Variants in MAN2A1 observed in about 807,000 individuals in gnomAD.
The protein encoded by MAN2A1 is mannosidase alpha class 2A member 1.
A neutral mutation model predicts 142.6 loss-of-function variants in MAN2A1; 76 were observed. That is an observed-to-expected ratio of 0.53 (90% CI 0.44 to 0.65). The LOEUF (loss-of-function observed/expected upper bound fraction) is 0.65. Ranked by LOEUF, MAN2A1 falls within the 30% of genes least tolerant of loss-of-function variation. The pLI is 0.00. For synonymous variants in MAN2A1, 559 were observed against 473.2 expected (o/e 1.18, Z -2.35); for missense variants, 1,311 against 1,365.1 (o/e 0.96, Z 0.62).
intron 3 of MAN2A1, among the ~76,000 whole-genome samples, chr5:109,720,049 A>G (rs1052794512): frequency 3.3e-5 from 5 of 152,196 alleles, no homozygotes; most frequent in African/African-American, 1.2e-4. Flanking sequence ...TAAGCTGATT[A>G]AAACACAATT....
intron 1 of MAN2A1, among the ~76,000 whole-genome samples, chr5:109,707,791 G>T (rs1751178440): frequency 6.6e-6 from 1 of 152,174 alleles, no homozygotes. Context: ...AGTCCTTACT[G>T]ACTGTGGTGT....
chr5:109,823,912 T>G (rs1213960819), intron 16 of MAN2A1, 75 bp downstream of exon 16: 1 of 668,190 alleles, frequency 1.5e-6, no homozygotes, highest in Non-Finnish European at 2.4e-6. Flanking sequence ...ATGCCATTCT[T>G]AAATTAACAG....
chr5:109,789,608 C>A, intron 12 of MAN2A1, 81 bp downstream of exon 12: 3 of 911,810 alleles, frequency 3.3e-6, no homozygotes, highest in Non-Finnish European at 4.9e-6. Context: ...TTTTAGTTAG[C>A]GTATATTTTG....
Position 109,866,885 on chromosome 5 carries a change from A to C in MAN2A1, c.3322A>C (p.Ser1108Arg). ...QKLLNKFIVE[S>R]LTPSSLSLMH... ...ACTTTTAAACAAGTTTATTGTCGAAAGTCTCACACCTTCATCACTATCCTT... is the reference window on the plus strand; with the variant it reads ...ACTTTTAAACAAGTTTATTGTCGAACGTCTCACACCTTCATCACTATCCTT... Residue 1108 changes from serine (S) to arginine (R), a missense_variant, in exon 22 of 22, where the codon AGT becomes CGT. Physicochemically the swap from Ser to Arg is moderately radical, Grantham distance 110. Coordinates refer to ENST00000261483, the MANE Select transcript of MAN2A1 (RefSeq NM_002372.4). 1.2e-6 allele frequency: 2 copies of C among 1,610,388 alleles called. No homozygotes were observed. Among genetic ancestry groups the C allele is most frequent in the Non-Finnish European group, 1.7e-6 (2 of 1,178,020 alleles).
chr5:109,760,751 G>A (rs1019706816), intron 5 of MAN2A1, among the ~76,000 whole-genome samples: 1 of 151,866 alleles, frequency 6.6e-6, no homozygotes, highest in Non-Finnish European at 1.5e-5. Context: ...TTTTTTTCAC[G>A]TTTGTTGGCT....
intron 16 of MAN2A1, among the ~76,000 whole-genome samples, chr5:109,839,570 A>C (rs1382410225): frequency 1.3e-5 from 2 of 149,172 alleles, no homozygotes; most frequent in Non-Finnish European, 3.0e-5. Flanking sequence ...CCAGCTACTC[A>C]GGAGGCTGAA....
chr5:109,714,257 C>T (rs1751391264), intron 2 of MAN2A1, among the ~76,000 whole-genome samples: 1 of 151,866 alleles, frequency 6.6e-6, no homozygotes, highest in African/African-American at 2.4e-5. Flanking sequence ...ATGGAAGCCC[C>T]TGTCTGCGTG....
At chr5:109,772,440 T>C (rs1753174034) in intron 7 of MAN2A1, among the ~76,000 whole-genome samples, 2 of 152,214 alleles carry the variant, frequency 1.3e-5, no homozygotes, top group African/African-American at 2.4e-5. Flanking sequence ...CAGATCCATA[T>C]ATCACCTTCG....
intron 3 of MAN2A1, among the ~76,000 whole-genome samples, chr5:109,721,388 A>G (rs1241442295): frequency 6.6e-6 from 1 of 152,224 alleles, no homozygotes; most frequent in Non-Finnish European, 1.5e-5. Flanking sequence ...TTAGCAAACA[A>G]AAATATAGAA....
chr5:109,712,483 C>G (rs1253138394), intron 1 of MAN2A1, among the ~76,000 whole-genome samples: 3 of 152,264 alleles, frequency 2.0e-5, no homozygotes, highest in Non-Finnish European at 4.4e-5. Context: ...GACCAGTCCC[C>G]TACTTTTGGG....
intron 4 of MAN2A1, among the ~76,000 whole-genome samples, chr5:109,751,391 C>A (rs192875945): frequency 3.3e-4 from 50 of 151,980 alleles, no homozygotes; most frequent in Admixed American, 1.2e-3. Flanking sequence ...TTTTCTTTTT[C>A]CATTCATCTA....
chr5:109,838,754 A>T (rs1434462737), intron 16 of MAN2A1, among the ~76,000 whole-genome samples: 2 of 152,216 alleles, frequency 1.3e-5, no homozygotes, highest in Non-Finnish European at 2.9e-5. Flanking sequence ...GTCTGTCCTG[A>T]TACAAACTTT....
At chr5:109,786,948 C>G (rs932052583) in intron 10 of MAN2A1, among the ~76,000 whole-genome samples, 1 of 152,000 alleles carries the variant, frequency 6.6e-6, no homozygotes, top group African/African-American at 2.4e-5. Flanking sequence ...GCCCTTCTTT[C>G]TCCTCTGCCA....
chr5:109,699,035 C>T (rs1032870741), intron 1 of MAN2A1, among the ~76,000 whole-genome samples: 4 of 152,262 alleles, frequency 2.6e-5, no homozygotes, highest in East Asian at 1.9e-4. Context: ...TCAATACCCC[C>T]TACTCTTCCC....
At chr5:109,719,160 C>T (rs1056819204) in intron 3 of MAN2A1, among the ~76,000 whole-genome samples, 1 of 152,048 alleles carries the variant, frequency 6.6e-6, no homozygotes, top group Admixed American at 6.6e-5. Flanking sequence ...GTAAGTATTC[C>T]TGACTATAAT....
chr5:109,751,991 A>C (rs1752560658), intron 4 of MAN2A1, among the ~76,000 whole-genome samples: 1 of 152,108 alleles, frequency 6.6e-6, no homozygotes, highest in Non-Finnish European at 1.5e-5. Context: ...CACTGTCATC[A>C]AAAAGCCCTG....
intron 1 of MAN2A1, among the ~76,000 whole-genome samples, chr5:109,691,477 A>G (rs1004969799): frequency 6.6e-6 from 1 of 152,224 alleles, no homozygotes; most frequent in African/African-American, 2.4e-5. Flanking sequence ...TGACAGGGCA[A>G]TCTAACTATT....
intron 10 of MAN2A1, among the ~76,000 whole-genome samples, chr5:109,787,570 A>G (rs1753626294): frequency 6.6e-6 from 1 of 152,018 alleles, no homozygotes; most frequent in Admixed American, 6.6e-5. Context: ...GGGGAGTGAT[A>G]TACTGTAGTC....
intron 3 of MAN2A1, among the ~76,000 whole-genome samples, chr5:109,724,228 A>G (rs1582825815): frequency 6.6e-6 from 1 of 152,144 alleles, no homozygotes; most frequent in South Asian, 2.1e-4. Context: ...CATAGAAAAT[A>G]CCTTAATTAC....
Sources: gnomAD v4.1 joint callset for allele counts (sites outside exome capture counted in the v4.1 genomes callset) on GRCh38, gnomAD v4.1.1 for gene constraint, MANE v1.5 for transcripts, NCBI Gene and HGNC (gene_info 2026-07-23, HGNC 2026-07-21) for gene names.